The following CTNNA3 variants were observed in gnomAD, a reference collection of about 807,000 sequenced individuals.
CTNNA3 encodes catenin alpha-3.
CTNNA3 carries 76 observed loss-of-function variants against 95.7 expected under a neutral mutation model. The observed-to-expected ratio is 0.79, with a 90% CI of 0.66 to 0.96. The LOEUF is 0.96. Ranked by LOEUF, CTNNA3 falls within the 40% of genes least tolerant of loss-of-function variation. The probability of loss-of-function intolerance (pLI) is 0.00; values close to 1 mark genes in which losing one functional copy is unlikely to be tolerated. For missense variants in CTNNA3, 1,191 were observed against 1,089.8 expected (o/e 1.09, Z -1.31); for synonymous variants, 431 against 374.4 (o/e 1.15, Z -1.74).
At chr10:65,966,770 AT>A in intron 16 of CTNNA3, 24 bp from the exon 17 acceptor site, 1 of 1,574,998 alleles carries the variant, frequency 6.3e-7, no homozygotes, top group South Asian at 1.1e-5. Context: ...AAAGATAAAA[AT>A]AGATACAGCA....
chr10:66,364,782 T>A (rs1296300167), intron 12 of CTNNA3, among the ~76,000 whole-genome samples: 1 of 152,136 alleles, frequency 6.6e-6, no homozygotes, highest in Non-Finnish European at 1.5e-5. Context: ...AATCTAGAAT[T>A]TTGGTTTTCC....
intron 6 of CTNNA3, among the ~76,000 whole-genome samples, chr10:67,199,134 A>C (rs1431487988): frequency 6.6e-6 from 1 of 152,030 alleles, no homozygotes; most frequent in African/African-American, 2.4e-5. Flanking sequence ...AAAAGAGAGA[A>C]AGTGACAAAA....
intron 11 of CTNNA3, among the ~76,000 whole-genome samples, chr10:66,471,731 C>G (rs149636074): frequency 1.3e-5 from 2 of 151,266 alleles, no homozygotes; most frequent in East Asian, 3.9e-4. Flanking sequence ...AAGACATGCT[C>G]AGAAGTCATT....
At chr10:67,727,738 G>A (rs1841247171) in intron 1 of CTNNA3, among the ~76,000 whole-genome samples, 1 of 125,630 alleles carries the variant, frequency 8.0e-6, no homozygotes, top group African/African-American at 3.0e-5. Flanking sequence ...TGTTGAGGAA[G>A]TCATAGCTTA....
At chr10:67,163,295 T>A (rs10997538) in intron 7 of CTNNA3, among the ~76,000 whole-genome samples, 58,600 of 151,842 alleles carry the variant, frequency 0.39, 15,995 homozygotes, top group African/African-American at 0.78. Context: ...TATTCCAGGG[T>A]TGCAAGGCTA....
At chr10:66,212,705 A>T (rs1286967406) in intron 13 of CTNNA3, among the ~76,000 whole-genome samples, 1 of 152,228 alleles carries the variant, frequency 6.6e-6, no homozygotes, top group Non-Finnish European at 1.5e-5. Context: ...AGCTAAAAAT[A>T]AGAAATGTCC....
chr10:66,527,585 T>C (rs1310466224), intron 10 of CTNNA3, among the ~76,000 whole-genome samples: 1 of 152,178 alleles, frequency 6.6e-6, no homozygotes, highest in Non-Finnish European at 1.5e-5. Context: ...TTAATTTCTT[T>C]CAGCAATATT....
At chr10:67,053,925 T>A (rs1476074863) in intron 7 of CTNNA3, among the ~76,000 whole-genome samples, 1 of 152,170 alleles carries the variant, frequency 6.6e-6, no homozygotes, top group Non-Finnish European at 1.5e-5. Flanking sequence ...AAATGGTCAA[T>A]GAGACTCTGG....
chr10:67,635,475 T>A (rs1233243689), intron 2 of CTNNA3, among the ~76,000 whole-genome samples: 1 of 152,132 alleles, frequency 6.6e-6, no homozygotes, highest in African/African-American at 2.4e-5. Flanking sequence ...TCCACCATGA[T>A]CGAGTTGTCT....
At chr10:66,106,354 T>A (rs1265858228) in intron 13 of CTNNA3, among the ~76,000 whole-genome samples, 1 of 150,942 alleles carries the variant, frequency 6.6e-6, no homozygotes, top group Non-Finnish European at 1.5e-5. Flanking sequence ...TGTGTGTGTG[T>A]GTGTGTGTGT....
chr10:67,219,941 C>A (rs1162244732), intron 5 of CTNNA3, 71 bp from the exon 6 acceptor site: 7 of 1,250,474 alleles, frequency 5.6e-6, no homozygotes, highest in Non-Finnish European at 7.7e-6. Context: ...TAAAAAGCTT[C>A]TTTTTTTGTA....
At chr10:66,123,779 T>TA (rs1784475427) in intron 13 of CTNNA3, among the ~76,000 whole-genome samples, 1 of 152,170 alleles carries the variant, frequency 6.6e-6, no homozygotes, top group African/African-American at 2.4e-5. Flanking sequence ...GCTTGAGGCT[T>TA]GCAACCTCTG....
chr10:66,029,699 C>G (rs2079412587), intron 15 of CTNNA3, among the ~76,000 whole-genome samples: 1 of 152,130 alleles, frequency 6.6e-6, no homozygotes, highest in Admixed American at 6.6e-5. Context: ...ATATAAGCTT[C>G]AGGAGGTCAG....
intron 9 of CTNNA3, among the ~76,000 whole-genome samples, chr10:66,719,556 T>C (rs1328924179): frequency 2.0e-5 from 3 of 152,142 alleles, no homozygotes. Context: ...CTTCTGCACA[T>C]GGGGCATCAA....
At chr10:67,674,971 A>T (rs549272783) in intron 1 of CTNNA3, among the ~76,000 whole-genome samples, 1 of 152,214 alleles carries the variant, frequency 6.6e-6, no homozygotes, top group East Asian at 1.9e-4. Context: ...ATATCCTTAC[A>T]CATTCTAGGT....
intron 7 of CTNNA3, among the ~76,000 whole-genome samples, chr10:67,072,852 T>C (rs900955982): frequency 1.3e-5 from 2 of 152,240 alleles, no homozygotes; most frequent in African/African-American, 4.8e-5. Context: ...TGTTTGTTTA[T>C]TTCCTACTAA....
At chr10:66,722,901 A>G (rs1197623628) in intron 9 of CTNNA3, among the ~76,000 whole-genome samples, 1 of 152,064 alleles carries the variant, frequency 6.6e-6, no homozygotes, top group Non-Finnish European at 1.5e-5. Flanking sequence ...ATTGGGACTC[A>G]AGAGATTCCA....
intron 7 of CTNNA3, among the ~76,000 whole-genome samples, chr10:67,025,353 A>C (rs1282339727): frequency 2.0e-5 from 3 of 151,592 alleles, no homozygotes; most frequent in Non-Finnish European, 4.4e-5. Flanking sequence ...TCCTCTCCCC[A>C]AACTAAAAAC....
At chr10:67,549,993 T>C (rs1182313968) in intron 3 of CTNNA3, among the ~76,000 whole-genome samples, 1 of 152,192 alleles carries the variant, frequency 6.6e-6, no homozygotes, top group East Asian at 1.9e-4. Context: ...ATCTGTTTTT[T>C]TAAAAAGCAC....
Sources: gnomAD v4.1 joint callset for allele counts (sites outside exome capture counted in the v4.1 genomes callset) on GRCh38, gnomAD v4.1.1 for gene constraint, MANE v1.5 for transcripts, NCBI Gene and HGNC (gene_info 2026-07-23, HGNC 2026-07-21) for gene names.